Variants in TNFRSF13C observed in about 807,000 individuals in gnomAD.
TNFRSF13C encodes TNF receptor superfamily member 13C.
Under a neutral mutation model 12.1 loss-of-function variants are expected in TNFRSF13C, and 7 were observed. The ratio of observed to expected loss-of-function variants is 0.58; its 90% CI spans 0.33 to 1.08. The LOEUF (loss-of-function observed/expected upper bound fraction) is 1.08, where lower values mean the gene tolerates loss of function less well. Ranked by LOEUF, TNFRSF13C falls within the 50% of genes least tolerant of loss-of-function variation. The pLI is 0.04. For missense variants in TNFRSF13C, 260 were observed against 265.9 expected, an observed-to-expected ratio of 0.98 and a Z score of 0.15; for synonymous variants, 157 against 130.8, an observed-to-expected ratio of 1.20 and a Z score of -1.37.
rs1300728586 is a variant in TNFRSF13C, at chr22:41,923,695, T to C, written c.*1672A>G. On this transcript the variant is annotated 3_prime_UTR_variant, in exon 3 of 3. Coordinates refer to ENST00000291232, the MANE Select transcript of TNFRSF13C (RefSeq NM_052945.4). ...GTAGGTCCCAGCCCTTCCATGTTTA[T>C]GGCTAAATGTGCTGTGTCTTGGAGC... 6.6e-6 allele frequency: 1 copy of C among 152,186 alleles called. No homozygotes were observed. Among genetic ancestry groups the C allele is most frequent in the Non-Finnish European group, 1.5e-5 (1 of 68,034 alleles). 9.4% of individuals were successfully genotyped at this position (152,186 alleles called of 1,614,324 possible). A position where few individuals can be genotyped will look rare whatever the true frequency, so the allele number is the denominator to read the frequency against.
At position 41,926,263 on chromosome 22, in the gene TNFRSF13C, C is replaced by A. The variant is rs1197094670; in HGVS notation, c.205G>T (p.Glu69Ter). The change falls in exon 2 of 3, where the codon GAG becomes TAG. Residue 69 changes from glutamate to a stop codon, truncating the protein, a stop_gained. Transcript: ENST00000291232. LOFTEE classifies it high-confidence loss of function. The surrounding 1 kb of genome is among the most constrained non-coding windows in gnomAD (Gnocchi z 4.9). ...AGCCCGGGCAGGGGCAGCGCCGCCT[C>A]GCCGGCCCCCGCGCCCACCGACTCC... is the stretch of plus-strand genomic sequence containing the variant. ...PQESVGAGAG[E>*]AALPLPGLLF... 1.3e-6 allele frequency: 2 copies of A among 1,495,986 alleles called. No homozygotes were observed. The highest frequency in any genetic ancestry group is 2.7e-5 in the East Asian group (1 of 36,650). The allele number at this position is 1,495,986 out of a possible 1,614,324, so 92.7% of individuals were successfully genotyped here.
rs1024157224 is a variant in TNFRSF13C, at chr22:41,923,313, G to A, written c.*2054C>T. The A allele has an allele frequency of 9.7e-5, 15 of 154,656 alleles. No homozygotes were observed. Among genetic ancestry groups the A allele is most frequent in the Non-Finnish European group, 1.9e-4 (13 of 68,396 alleles). The allele number at this position is 154,656 out of a possible 1,614,324, so 9.6% of individuals were successfully genotyped here. ...CAGTGCTCCCTTCCAAAGATGCTAA[G>A]CTGCAACAAGTTCCAAGGAAGCTGC... is the stretch of plus-strand genomic sequence containing the variant. On this transcript the variant is annotated 3_prime_UTR_variant, in exon 3 of 3. Transcript: ENST00000291232.
Position 41,926,136 on chromosome 22 carries a change from G to A in TNFRSF13C, c.332C>T (p.Ala111Val). The change falls in exon 2 of 3, where the codon GCG (alanine) becomes GTG (valine). Residue 111 changes from alanine (A) to valine (V), a missense_variant. By Grantham distance (64) the Ala-to-Val change is moderately conservative. Transcript: ENST00000291232. This position sits in a 1 kb window ranked among gnomAD's most constrained non-coding sequence, Gnocchi z 4.9. Reference sequence around the variant, plus strand: ...TCCGTCGGGGGCCTCTGCGGAGGACGCGCCGCGAAGCCGCCGCTGTCGCCG... The same window carrying A: ...TCCGTCGGGGGCCTCTGCGGAGGACACGCCGCGAAGCCGCCGCTGTCGCCG... ...WRRRQRRLRG[A>V]SSAEAPDGDK... is the part of the protein sequence containing the mutation. 6.2e-7 allele frequency: 1 copy of A among 1,611,822 alleles called. No individual in the cohort carries two copies. The highest frequency in any genetic ancestry group is 1.1e-5 in the South Asian group (1 of 91,058).
At position 41,925,093 on chromosome 22, in the gene TNFRSF13C, C is replaced by A; in HGVS notation, c.*274G>T. On this transcript the variant is annotated 3_prime_UTR_variant, in exon 3 of 3. Transcript: ENST00000291232. Reference sequence around the variant, plus strand: ...TCCCCATTTTAAAAGCGGTCTTTTACTCATAGTGCCCCAGCCTTTTGAAGG... The same window carrying A: ...TCCCCATTTTAAAAGCGGTCTTTTAATCATAGTGCCCCAGCCTTTTGAAGG... The A allele has an allele frequency of 2.9e-6, 1 of 348,870 alleles. No homozygotes were observed. 21.6% of individuals were successfully genotyped at this position (348,870 alleles called of 1,614,324 possible). A position where few individuals can be genotyped will look rare whatever the true frequency, so the allele number is the denominator to read the frequency against.
Position 41,926,478 on chromosome 22 carries a change from T to C in TNFRSF13C, c.137-147A>G. 1 of 1,132,638 alleles carries C rather than the reference T, an allele frequency of 8.8e-7. No individual in the cohort carries two copies. The highest frequency in any genetic ancestry group is 1.2e-6 in the Non-Finnish European group (1 of 868,464). 70.2% of individuals were successfully genotyped at this position (1,132,638 alleles called of 1,614,324 possible). The stretch of plus-strand genomic sequence containing the variant: ...ACAAGGGGAGGGAGAGAGGCGGCGG[T>C]GAGGGCCACGCGGTGATCGCGGGCC... On this transcript the variant is annotated intron_variant, in intron 1 of 2. Transcript: ENST00000291232. This position sits in a 1 kb window ranked among gnomAD's most constrained non-coding sequence, Gnocchi z 4.9.
Position 41,926,118 on chromosome 22 carries a change from G to A in TNFRSF13C, c.350C>T (p.Pro117Leu). 1 of 1,612,426 alleles carries A rather than the reference G, an allele frequency of 6.2e-7. No individual in the cohort carries two copies. Among genetic ancestry groups the A allele is most frequent in the Non-Finnish European group, 8.5e-7 (1 of 1,179,814 alleles). ...RLRGASSAEA[P>L]DGDKDAPEPL... ...GAACTCACCGTCCTTGTCTCCGTCG[G>A]GGGCCTCTGCGGAGGACGCGCCGCG... is the stretch of plus-strand genomic sequence containing the variant. The change falls in exon 2 of 3, where the codon CCC becomes CTC. Residue 117 changes from proline (P) to leucine (L), a missense_variant. Coordinates refer to ENST00000291232, the MANE Select transcript of TNFRSF13C (RefSeq NM_052945.4). This position sits in a 1 kb window ranked among gnomAD's most constrained non-coding sequence, Gnocchi z 4.9.
rs1414351135 is a variant in TNFRSF13C at position 41,922,444 on chromosome 22, A to T, written c.*2923T>A. 1.3e-5 allele frequency: 2 copies of T among 152,188 alleles called. No individual in the cohort carries two copies. The allele number at this position is 152,188 out of a possible 1,614,324, so 9.4% of individuals were successfully genotyped here. A position where few individuals can be genotyped will look rare whatever the true frequency, so the allele number is the denominator to read the frequency against. On this transcript the variant is annotated 3_prime_UTR_variant, in exon 3 of 3. Transcript: ENST00000291232. ...CCTTCTCTGGGGACCACAGGCCAGGAGGAGAACCTTGCATACAACCCCTCA... is the reference window on the plus strand; with the variant it reads ...CCTTCTCTGGGGACCACAGGCCAGGTGGAGAACCTTGCATACAACCCCTCA...
rs1416118445 is a variant in TNFRSF13C, at chr22:41,926,427, G to C, written c.137-96C>G. 2.7e-6 allele frequency: 3 copies of C among 1,124,418 alleles called. No individual in the cohort carries two copies. The highest frequency in any genetic ancestry group is 4.4e-5 in the South Asian group (2 of 45,374). 69.7% of individuals were successfully genotyped at this position (1,124,418 alleles called of 1,614,324 possible). A position where few individuals can be genotyped will look rare whatever the true frequency, so the allele number is the denominator to read the frequency against. ...GGAGGGGGGCGAGGCTGGCCGGGGA[G>C]GGGAGGGACAGCCGGGGGGCGGTGG... is the stretch of plus-strand genomic sequence containing the variant. On this transcript the variant is annotated intron_variant, in intron 1 of 2. Coordinates refer to ENST00000291232, the MANE Select transcript of TNFRSF13C (RefSeq NM_052945.4). The surrounding 1 kb of genome is among the most constrained non-coding windows in gnomAD (Gnocchi z 4.9).
At position 41,926,643 on chromosome 22, in the gene TNFRSF13C, T is replaced by A; in HGVS notation, c.131A>T (p.Lys44Ile). The A allele has an allele frequency of 1.4e-6, 2 of 1,459,412 alleles. No individual in the cohort carries two copies. Among genetic ancestry groups the A allele is most frequent in the Non-Finnish European group, 1.8e-6 (2 of 1,110,832 alleles). 90.4% of individuals were successfully genotyped at this position (1,459,412 alleles called of 1,614,324 possible). A position where few individuals can be genotyped will look rare whatever the true frequency, so the allele number is the denominator to read the frequency against. ...GCCCCGTGGGTCCCCCTTACCCGGT[T>A]TCGGCCGCGGCGTGCGCAGGAGCCC... ...ACGLLRTPRP[K>I]PAGASSPAPR... is the part of the protein sequence containing the mutation. The change falls in exon 1 of 3, where the codon AAA becomes ATA. Residue 44 changes from lysine to isoleucine, a missense_variant. By Grantham distance (102) the Lys-to-Ile change is moderately radical (BLOSUM62 -3). Transcript: ENST00000291232. The surrounding 1 kb of genome is among the most constrained non-coding windows in gnomAD (Gnocchi z 4.9).
In TNFRSF13C at chr22:41,925,373, T is replaced by C. The variant is rs745928511; in HGVS notation, c.549A>G (p.Gln183=). ...LVTTKTAGPE[Q]Q is the part of the protein sequence containing the mutation. ...ACCTCCTGCCGGCTCCCTGCTATTGTTGCTCAGGGCCGGCCGTCTTGGTGG... is the reference window on the plus strand; with the variant it reads ...ACCTCCTGCCGGCTCCCTGCTATTGCTGCTCAGGGCCGGCCGTCTTGGTGG... Residue 183 remains glutamine (Q), a synonymous_variant, in exon 3 of 3, where the codon CAA becomes CAG. Coordinates refer to ENST00000291232, the MANE Select transcript of TNFRSF13C (RefSeq NM_052945.4). 2 of 1,603,120 alleles carry C rather than the reference T, an allele frequency of 1.2e-6. No homozygotes were observed. The highest frequency in any genetic ancestry group is 4.5e-5 in the East Asian group (2 of 44,772).
rs2077631986 is a variant in TNFRSF13C, at chr22:41,926,412, G to A, written c.137-81C>T. On this transcript the variant is annotated intron_variant, in intron 1 of 2. Coordinates refer to ENST00000291232, the MANE Select transcript of TNFRSF13C (RefSeq NM_052945.4). The surrounding 1 kb of genome is among the most constrained non-coding windows in gnomAD (Gnocchi z 4.9). ...GGGACGGGGAGGGGCGGAGGGGGGC[G>A]AGGCTGGCCGGGGAGGGGAGGGACA... The A allele has an allele frequency of 9.5e-6, 11 of 1,158,718 alleles. No individual in the cohort carries two copies. The highest frequency in any genetic ancestry group is 1.6e-5 in the African/African-American group (1 of 60,960). 71.8% of individuals were successfully genotyped at this position (1,158,718 alleles called of 1,614,324 possible).
At chr22:41,925,679 C>G in intron 2 of TNFRSF13C, 125 bp from the exon 3 acceptor site, 5 of 1,170,226 alleles carry the variant, frequency 4.3e-6, no homozygotes, top group Non-Finnish European at 6.1e-6. Flanking sequence ...AGGGGTGGCA[C>G]CTGGCTGACC....
In TNFRSF13C at chr22:41,925,241, C is replaced by T; in HGVS notation, c.*126G>A. On this transcript the variant is annotated 3_prime_UTR_variant, in exon 3 of 3. Transcript: ENST00000291232. Reference sequence around the variant, plus strand: ...GCTGTGGTCTGTAGTGTCTGTGCTTCTGCAGAGTTAGCCTGGTCCCAGAAA... The same window carrying T: ...GCTGTGGTCTGTAGTGTCTGTGCTTTTGCAGAGTTAGCCTGGTCCCAGAAA... 1 of 1,070,040 alleles carries T rather than the reference C, an allele frequency of 9.3e-7. No individual in the cohort carries two copies. The highest frequency in any genetic ancestry group is 1.3e-6 in the Non-Finnish European group (1 of 759,228). 66.3% of individuals were successfully genotyped at this position (1,070,040 alleles called of 1,614,324 possible).
chr22:41,925,369 A>G lies in TNFRSF13C; in HGVS notation c.553T>C (p.Ter185GlnextTer70). 6.2e-7 allele frequency: 1 copy of G among 1,601,242 alleles called. No homozygotes were observed. The highest frequency in any genetic ancestry group is 8.5e-7 in the Non-Finnish European group (1 of 1,176,900). Residue 185 changes from the stop codon to glutamine, a stop_lost, in exon 3 of 3, where the codon TAG becomes CAG. Transcript: ENST00000291232. Reference protein sequence around the residue: ...TTKTAGPEQQ* With the variant: ...TTKTAGPEQQQ Reference sequence around the variant, plus strand: ...GGCCACCTCCTGCCGGCTCCCTGCTATTGTTGCTCAGGGCCGGCCGTCTTG... The same window carrying G: ...GGCCACCTCCTGCCGGCTCCCTGCTGTTGTTGCTCAGGGCCGGCCGTCTTG...
chr22:41,925,286 A>C lies in TNFRSF13C; in HGVS notation c.*81T>G. The C allele has an allele frequency of 7.1e-7, 1 of 1,410,164 alleles. No homozygotes were observed. The highest frequency in any genetic ancestry group is 1.3e-5 in the South Asian group (1 of 75,506). 87.4% of individuals were successfully genotyped at this position (1,410,164 alleles called of 1,614,324 possible). The stretch of plus-strand genomic sequence containing the variant: ...CAGAAAGAGGGCATGTGCATGCTGG[A>C]GTGAAGAGCTGAATTTGATTTCCAA... On this transcript the variant is annotated 3_prime_UTR_variant, in exon 3 of 3. Coordinates refer to ENST00000291232, the MANE Select transcript of TNFRSF13C (RefSeq NM_052945.4).
chr22:41,923,643 C>T lies in TNFRSF13C; in HGVS notation c.*1724G>A, dbSNP rs555283091. On this transcript the variant is annotated 3_prime_UTR_variant, in exon 3 of 3. Transcript: ENST00000291232. ...ACCTGGTTCAAGGTCACACGCCTGC[C>T]CTGGCCTCTACACAAAGGAGCCTCC... is the stretch of plus-strand genomic sequence containing the variant. 9 of 152,356 alleles carry T rather than the reference C, an allele frequency of 5.9e-5. No homozygotes were observed. Among genetic ancestry groups the T allele is most frequent in the Admixed American group, 6.5e-5 (1 of 15,290 alleles). The allele number at this position is 152,356 out of a possible 1,614,324, so 9.4% of individuals were successfully genotyped here.
At position 41,926,369 on chromosome 22, in the gene TNFRSF13C, C is replaced by G; in HGVS notation, c.137-38G>C. The G allele has an allele frequency of 2.1e-6, 2 of 968,528 alleles. No individual in the cohort carries two copies. Among genetic ancestry groups the G allele is most frequent in the East Asian group, 1.0e-4 (1 of 9,570 alleles). The allele number at this position is 968,528 out of a possible 1,614,324, so 60.0% of individuals were successfully genotyped here. A position where few individuals can be genotyped will look rare whatever the true frequency, so the allele number is the denominator to read the frequency against. ...GGGACAGGGAGGGAGGCCAGGGGGC[C>G]GAGGGGAGGGAGGAGCGGGGACGGG... On this transcript the variant is annotated intron_variant, in intron 1 of 2. Coordinates refer to ENST00000291232, the MANE Select transcript of TNFRSF13C (RefSeq NM_052945.4). The surrounding 1 kb of genome is among the most constrained non-coding windows in gnomAD (Gnocchi z 4.9).
Position 41,926,434 on chromosome 22 carries a change from G to T in TNFRSF13C, c.137-103C>A, listed in dbSNP as rs2077632276. On this transcript the variant is annotated intron_variant, in intron 1 of 2. Transcript: ENST00000291232. This position sits in a 1 kb window ranked among gnomAD's most constrained non-coding sequence, Gnocchi z 4.9. ...GGCGAGGCTGGCCGGGGAGGGGAGG[G>T]ACAGCCGGGGGGCGGTGGACAAGGG... 4.0e-6 allele frequency: 2 copies of T among 498,740 alleles called. No individual in the cohort carries two copies. Among genetic ancestry groups the T allele is most frequent in the African/African-American group, 2.1e-5 (1 of 47,212 alleles). 30.9% of individuals were successfully genotyped at this position (498,740 alleles called of 1,614,324 possible). A position where few individuals can be genotyped will look rare whatever the true frequency, so the allele number is the denominator to read the frequency against.
In TNFRSF13C at chr22:41,926,186, G is replaced by A. The variant is rs190252814; in HGVS notation, c.282C>T (p.Val94=). The stretch of plus-strand genomic sequence containing the variant: ...GCCTCCAGCTCACCAGACCCACCAG[G>A]ACCAGCGCCAGGACCAGTGCCAGGC... The part of the protein sequence containing the change: ...LLGLALVLAL[V]LVGLVSWRRR... Residue 94 remains valine, a synonymous_variant, in exon 2 of 3, where the codon GTC becomes GTT. Coordinates refer to ENST00000291232, the MANE Select transcript of TNFRSF13C (RefSeq NM_052945.4). This position sits in a 1 kb window ranked among gnomAD's most constrained non-coding sequence, Gnocchi z 4.9. 993 of 1,609,776 alleles carry A rather than the reference G, an allele frequency of 6.2e-4. 8 individuals are homozygous for A. In the African/African-American group the frequency reaches 0.011, roughly 19 times the overall value.
Sources: gnomAD v4.1 joint callset for allele counts on GRCh38, gnomAD v4.1.1 for gene constraint, Gnocchi (gnomAD v3.1) non-coding constraint, MANE v1.5 for transcripts, NCBI Gene and HGNC (gene_info 2026-07-23, HGNC 2026-07-21) for gene names.